Variants in PCDHA2 observed in about 807,000 individuals in gnomAD.
The protein encoded by PCDHA2 is protocadherin alpha-2.
PCDHA2 carries 58 observed loss-of-function variants against 66.0 expected under a neutral mutation model. That is an observed-to-expected ratio of 0.88 (90% CI 0.71 to 1.09). The LOEUF (loss-of-function observed/expected upper bound fraction) is 1.09. PCDHA2 is among the 50% of genes least tolerant of loss of function. PCDHA2 has a pLI of 0.00. For synonymous variants in PCDHA2, 634 were observed against 554.0 expected (o/e 1.14, Z -2.03); for missense variants, 1,267 against 1,242.3 (o/e 1.02, Z -0.30).
chr5:140,807,029 A>T, intron 1 of PCDHA2: 1 of 882,882 alleles, frequency 1.1e-6, no homozygotes, highest in African/African-American at 1.7e-5. Flanking sequence ...GAGAAGGAGG[A>T]AGAAGGGAAA....
rs782619715 is a variant in PCDHA2, at chr5:140,883,236, T to C, written c.2388+85884T>C. 1.2e-5 allele frequency: 20 copies of C among 1,613,888 alleles called. No individual in the cohort carries two copies. Among genetic ancestry groups the C allele is most frequent in the Non-Finnish European group, 1.7e-5 (20 of 1,180,006 alleles). On this transcript the variant is annotated intron_variant, in intron 1 of 3. Coordinates refer to ENST00000526136, the MANE Select transcript of PCDHA2 (RefSeq NM_018905.3). ...TTATATGAAATATCCGTGGAGGCAGTTGACAAAGGAAATATTCCAATGGCG... is the reference window on the plus strand; with the variant it reads ...TTATATGAAATATCCGTGGAGGCAGCTGACAAAGGAAATATTCCAATGGCG...
intron 1 of PCDHA2, among the ~76,000 whole-genome samples, chr5:140,971,436 C>G (rs2153789972): frequency 6.6e-6 from 1 of 152,278 alleles, no homozygotes; most frequent in Non-Finnish European, 1.5e-5. Flanking sequence ...ACCCCAAGAT[C>G]TACAGCTCCA....
At chr5:140,868,057 G>C (rs1243916361) in intron 1 of PCDHA2, 4 of 152,030 alleles carry the variant, frequency 2.6e-5, no homozygotes, top group African/African-American at 7.2e-5. Flanking sequence ...ATGGCACAAA[G>C]ATGTTCAGGG....
In PCDHA2 at chr5:140,853,662, T is replaced by C. The variant is rs1319921056; in HGVS notation, c.2388+56310T>C. The C allele has an allele frequency of 3.4e-5, 34 of 988,522 alleles. 1 individual carries two copies. In the African/African-American group the frequency reaches 3.9e-4, roughly 11 times the overall value. 61.2% of individuals were successfully genotyped at this position (988,522 alleles called of 1,614,324 possible). ...CTAAATTGAGCCTGTTCCAGACAAA[T>C]TGGGGCCTATGGTCAACCTATCCTT... On this transcript the variant is annotated intron_variant, in intron 1 of 3. Coordinates refer to ENST00000526136, the MANE Select transcript of PCDHA2 (RefSeq NM_018905.3).
At chr5:140,829,691 C>T in intron 1 of PCDHA2, 1 of 1,613,260 alleles carries the variant, frequency 6.2e-7, no homozygotes, top group Non-Finnish European at 8.5e-7. Context: ...GCTGCAGTTT[C>T]AGGTGAGCGC....
Position 140,823,308 on chromosome 5 carries a change from G to A in PCDHA2, c.2388+25956G>A, listed in dbSNP as rs2150124552. Reference sequence around the variant, plus strand: ...TGTCGAGTTACGTTTCGGTGCACGCGGAGAGCGGCAAGGTGTACGCGCTGC... The same window carrying A: ...TGTCGAGTTACGTTTCGGTGCACGCAGAGAGCGGCAAGGTGTACGCGCTGC... On this transcript the variant is annotated intron_variant, in intron 1 of 3. Transcript: ENST00000526136. The A allele has an allele frequency of 5.6e-6, 9 of 1,612,200 alleles. No homozygotes were observed. In the Admixed American group the frequency reaches 6.7e-5, roughly 12 times the overall value.
In PCDHA2 at chr5:140,842,698, G is replaced by C. The variant is rs2150342332; in HGVS notation, c.2388+45346G>C. On this transcript the variant is annotated intron_variant, in intron 1 of 3. Transcript: ENST00000526136. ...ATGCTCCGGCGTTCGCGCAGCCCGA[G>C]TACACGGTGTTCGTGAAGGAGAACA... The C allele has an allele frequency of 9.4e-6, 15 of 1,595,366 alleles. 2 individuals carry two copies. The highest frequency in any genetic ancestry group is 4.3e-6 in the Non-Finnish European group (5 of 1,165,528).
intron 1 of PCDHA2, chr5:140,834,282 AC>A (rs1772883613): frequency 8.7e-7 from 1 of 1,147,956 alleles, no homozygotes; most frequent in Non-Finnish European, 1.2e-6. Flanking sequence ...CTTTGGATGC[AC>A]AACAATGGCC....
intron 1 of PCDHA2, chr5:140,967,470 C>T (rs1554229592): frequency 1.2e-6 from 2 of 1,613,462 alleles, no homozygotes; most frequent in Non-Finnish European, 8.5e-7. Context: ...GGGGGCATCC[C>T]AGCCCGCTCG....
intron 1 of PCDHA2, among the ~76,000 whole-genome samples, chr5:140,978,185 G>C (rs1177844558): frequency 1.3e-5 from 2 of 152,168 alleles, no homozygotes; most frequent in East Asian, 3.8e-4. Context: ...GAGGGCAACA[G>C]ATCTTTTCAA....
chr5:140,912,343 A>AT (rs35252606), intron 1 of PCDHA2, among the ~76,000 whole-genome samples: 1,442 of 143,856 alleles, frequency 0.01, 7 homozygotes, highest in South Asian at 0.021. Flanking sequence ...TACACTAAGT[A>AT]TTTTTTTTTT....
chr5:140,801,137 C>G (rs1357728737), intron 1 of PCDHA2: 3 of 1,524,932 alleles, frequency 2.0e-6, no homozygotes, highest in East Asian at 2.3e-5. Flanking sequence ...ATAAGGAACT[C>G]GAATTATTTT....
chr5:140,937,868 C>T (rs1433466146), intron 1 of PCDHA2, among the ~76,000 whole-genome samples: 2 of 150,648 alleles, frequency 1.3e-5, no homozygotes, highest in Admixed American at 6.6e-5. Context: ...GCCGAGATCG[C>T]GCCACTGCAC....
intron 3 of PCDHA2, among the ~76,000 whole-genome samples, chr5:140,990,502 A>T (rs1303617067): frequency 6.6e-6 from 1 of 152,164 alleles, no homozygotes; most frequent in African/African-American, 2.4e-5. Context: ...ACATTCCCCA[A>T]GTCTTCTCTC....
chr5:140,963,932 A>C (rs564788639), intron 1 of PCDHA2, among the ~76,000 whole-genome samples: 74 of 152,352 alleles, frequency 4.9e-4, no homozygotes, highest in African/African-American at 1.6e-3. Context: ...ACATGTCCAT[A>C]GCCAAACAGT....
chr5:140,976,776 C>T (rs1554237952), intron 1 of PCDHA2, among the ~76,000 whole-genome samples: 1 of 152,184 alleles, frequency 6.6e-6, no homozygotes. Context: ...TAGACTCTGA[C>T]TATATAGCTA....
At chr5:140,870,132 C>T (rs371110623) in intron 1 of PCDHA2, 43 of 1,613,852 alleles carry the variant, frequency 2.7e-5, no homozygotes, top group East Asian at 4.5e-5. Context: ...TGGACACCAA[C>T]GATAACTCTC....
intron 1 of PCDHA2, chr5:140,856,567 A>C: frequency 6.3e-7 from 1 of 1,597,710 alleles, no homozygotes; most frequent in Non-Finnish European, 8.6e-7. Flanking sequence ...AACTCAGTCC[A>C]AATGAGTATT....
At chr5:140,834,435 A>T (rs2150217910) in intron 1 of PCDHA2, 2 of 1,607,790 alleles carry the variant, frequency 1.2e-6, no homozygotes, top group East Asian at 2.2e-5. Context: ...ACTGCTGTTT[A>T]TTATAATTCT....
Sources: gnomAD v4.1 joint callset for allele counts (sites outside exome capture counted in the v4.1 genomes callset) on GRCh38, gnomAD v4.1.1 for gene constraint, MANE v1.5 for transcripts, NCBI Gene and HGNC (gene_info 2026-07-23, HGNC 2026-07-21) for gene names.